CSMD1: variants seen among roughly 807,000 people sequenced by gnomAD.
CSMD1 encodes CUB and Sushi multiple domains 1, also known as CUB and sushi domain-containing protein 1.
A neutral mutation model predicts 417.5 loss-of-function variants in CSMD1; 213 were observed. The ratio of observed to expected loss-of-function variants is 0.51; its 90% confidence interval spans 0.46 to 0.57. The LOEUF (loss-of-function observed/expected upper bound fraction) is 0.57. Among genes scored for constraint, CSMD1 ranks in the 20% least tolerant of loss-of-function variants. The probability of loss-of-function intolerance (pLI) is 0.00; values close to 1 mark genes in which losing one functional copy is unlikely to be tolerated. For missense variants in CSMD1, 6,923 were observed against 4,529.7 expected, an observed-to-expected ratio of 1.53 and a Z score of -15.17; for synonymous variants, 2,862 against 1,736.8, an observed-to-expected ratio of 1.65 and a Z score of -16.11.
At chr8:3,989,548 T>C (rs944800688) in intron 5 of CSMD1, among the ~76,000 whole-genome samples, 1 of 152,216 alleles carries the variant, frequency 6.6e-6, no homozygotes, top group East Asian at 1.9e-4. Flanking sequence ...CTATTTATGA[T>C]GCAGTTCCTT....
intron 26 of CSMD1, among the ~76,000 whole-genome samples, chr8:3,253,374 T>C (rs960234438): frequency 6.6e-6 from 1 of 152,246 alleles, no homozygotes; most frequent in African/African-American, 2.4e-5. Context: ...TCTGGTTTGA[T>C]TGCACTGTGG....
At chr8:4,167,083 T>C (rs1260593490) in intron 3 of CSMD1, among the ~76,000 whole-genome samples, 1 of 152,106 alleles carries the variant, frequency 6.6e-6, no homozygotes, top group Non-Finnish European at 1.5e-5. Context: ...TTAGAATATC[T>C]GTAGATAAAT....
At chr8:4,479,611 T>C (rs1007595133) in intron 2 of CSMD1, among the ~76,000 whole-genome samples, 2 of 152,062 alleles carry the variant, frequency 1.3e-5, no homozygotes, top group African/African-American at 4.8e-5. Flanking sequence ...AAAATGACTT[T>C]CCAGCTGGGT....
intron 7 of CSMD1, among the ~76,000 whole-genome samples, chr8:3,705,829 C>T (rs1210425330): frequency 2.0e-5 from 3 of 152,292 alleles, no homozygotes; most frequent in Non-Finnish European, 2.9e-5. Flanking sequence ...TGGAGAGACT[C>T]AAGTTAATGG....
At chr8:2,978,511 G>T (rs2128937537) in intron 55 of CSMD1, 101 bp downstream of exon 55, 1 of 885,124 alleles carries the variant, frequency 1.1e-6, no homozygotes, top group Non-Finnish European at 1.7e-6. Flanking sequence ...AGGACAGAAG[G>T]AATTAAAATT....
At chr8:3,839,664 A>T (rs913244315) in intron 5 of CSMD1, among the ~76,000 whole-genome samples, 1 of 147,776 alleles carries the variant, frequency 6.8e-6, no homozygotes, top group Non-Finnish European at 1.5e-5. Flanking sequence ...GAAAAAAAAA[A>T]AAAAGAATCT....
intron 5 of CSMD1, among the ~76,000 whole-genome samples, chr8:3,928,033 A>G (rs1294019862): frequency 3.3e-5 from 5 of 152,170 alleles, no homozygotes; most frequent in Admixed American, 1.3e-4. Context: ...ATGAACAATT[A>G]TAGCATCAAT....
At chr8:4,494,811 A>G (rs1801896870) in intron 2 of CSMD1, among the ~76,000 whole-genome samples, 1 of 152,210 alleles carries the variant, frequency 6.6e-6, no homozygotes, top group Non-Finnish European at 1.5e-5. Context: ...AAAATAGACT[A>G]GGAAAGAGAA....
At chr8:3,385,458 A>G (rs1810950872) in intron 18 of CSMD1, among the ~76,000 whole-genome samples, 1 of 151,792 alleles carries the variant, frequency 6.6e-6, no homozygotes, top group South Asian at 2.1e-4. Context: ...ATTGTTGCTA[A>G]AAGTCAACTA....
At chr8:3,399,282 G>T in intron 16 of CSMD1, 109 bp downstream of exon 16, 2 of 999,494 alleles carry the variant, frequency 2.0e-6, no homozygotes, top group Non-Finnish European at 2.9e-6. Context: ...GTGCTCCTAT[G>T]CGGGAACCGA....
intron 5 of CSMD1, among the ~76,000 whole-genome samples, chr8:3,928,864 A>T (rs1809938267): frequency 6.8e-6 from 1 of 146,992 alleles, no homozygotes; most frequent in African/African-American, 2.5e-5. Context: ...GGTAGGAGAA[A>T]TGTCATGGAG....
intron 1 of CSMD1, among the ~76,000 whole-genome samples, chr8:4,859,758 C>A (rs1342637191): frequency 1.3e-5 from 2 of 151,926 alleles, no homozygotes; most frequent in Non-Finnish European, 2.9e-5. Flanking sequence ...AGTCAGGAAA[C>A]AACAGGTGCT....
chr8:3,628,789 T>C (rs945698029), intron 7 of CSMD1, among the ~76,000 whole-genome samples: 19 of 152,202 alleles, frequency 1.2e-4, no homozygotes, highest in Non-Finnish European at 2.8e-4. Flanking sequence ...AGTGGCTTCC[T>C]AGTTTTGGCA....
At chr8:3,680,896 G>C (rs1296302425) in intron 7 of CSMD1, among the ~76,000 whole-genome samples, 1 of 152,058 alleles carries the variant, frequency 6.6e-6, no homozygotes, top group African/African-American at 2.4e-5. Flanking sequence ...ACGCAAATCA[G>C]TAAACGTAAT....
Position 4,351,405 on chromosome 8 carries a change from G to T in CSMD1, c.415+68548C>A, listed in dbSNP as rs532576602. ...TCTTCTCGTCTCATAGCCCATGCTG[G>T]CTGTTATACCAAGTAAGGTAAGAAG... On this transcript the variant is annotated intron_variant, in intron 3 of 69. Coordinates refer to ENST00000635120, the MANE Select transcript of CSMD1 (RefSeq NM_033225.6). 7.9e-5 allele frequency among the ~76,000 whole-genome samples: 12 copies of T among 152,288 alleles called. 1 individual carries two copies. The highest frequency in any genetic ancestry group is 2.9e-4 in the African/African-American group (12 of 41,558).
At chr8:4,072,512 G>T (rs867358155) in intron 3 of CSMD1, among the ~76,000 whole-genome samples, 1 of 152,102 alleles carries the variant, frequency 6.6e-6, no homozygotes, top group African/African-American at 2.4e-5. Context: ...TGCAATTGCT[G>T]AAAGCTCTAA....
At chr8:3,669,944 C>T (rs1798901645) in intron 7 of CSMD1, among the ~76,000 whole-genome samples, 1 of 152,160 alleles carries the variant, frequency 6.6e-6, no homozygotes, top group African/African-American at 2.4e-5. Flanking sequence ...TTAAATAACA[C>T]ACCCAAGGAT....
chr8:4,067,812 C>G, intron 3 of CSMD1, among the ~76,000 whole-genome samples: 1 of 151,908 alleles, frequency 6.6e-6, no homozygotes, highest in East Asian at 1.9e-4. Flanking sequence ...GATACAGTGG[C>G]TCATGTCTGT....
intron 5 of CSMD1, among the ~76,000 whole-genome samples, chr8:3,854,997 A>G (rs1688976222): frequency 6.6e-6 from 1 of 152,186 alleles, no homozygotes; most frequent in Non-Finnish European, 1.5e-5. Context: ...CCAGTAATCC[A>G]TACAGCCATA....
Sources: gnomAD v4.1 joint callset for allele counts (sites outside exome capture counted in the v4.1 genomes callset) on GRCh38, gnomAD v4.1.1 for gene constraint, MANE v1.5 for transcripts, NCBI Gene and HGNC (gene_info 2026-07-23, HGNC 2026-07-21) for gene names.